Variants in ADCK1 observed in about 807,000 individuals in gnomAD.
ADCK1 encodes aarF domain containing kinase 1, also known as aarF domain-containing protein kinase 1.
A neutral mutation model predicts 52.3 loss-of-function variants in ADCK1; 41 were observed. That is an observed-to-expected ratio of 0.78 (90% CI 0.61 to 1.02). The LOEUF (loss-of-function observed/expected upper bound fraction) is 1.02. Among genes scored for constraint, ADCK1 ranks in the 50% least tolerant of loss-of-function variants. The pLI, the probability that ADCK1 is intolerant of heterozygous loss-of-function variation, is 0.00. For synonymous variants in ADCK1, 250 were observed against 274.6 expected, an observed-to-expected ratio of 0.91 and a Z score of 0.89; for missense variants, 658 against 679.5, an observed-to-expected ratio of 0.97 and a Z score of 0.35.
chr14:77,807,508 A>ATT (rs35510266), intron 1 of ADCK1, among the ~76,000 whole-genome samples: 49 of 130,306 alleles, frequency 3.8e-4, no homozygotes, highest in African/African-American at 1.1e-3. Flanking sequence ...CGCCCAGCTA[A>ATT]TTTTTTTTTT....
chr14:77,901,670 G>A (rs866216917), intron 6 of ADCK1, among the ~76,000 whole-genome samples: 5 of 152,198 alleles, frequency 3.3e-5, no homozygotes, highest in East Asian at 1.9e-4. Flanking sequence ...GATTATAGGC[G>A]TGAGCCACCG....
At chr14:77,890,105 G>A (rs1056110175) in intron 5 of ADCK1, among the ~76,000 whole-genome samples, 2 of 152,234 alleles carry the variant, frequency 1.3e-5, no homozygotes, top group African/African-American at 4.8e-5. Context: ...GCTGCATAAT[G>A]AGTCACCTCA....
chr14:77,819,247 T>G (rs2081531131), intron 2 of ADCK1, 134 bp downstream of exon 2: 1 of 1,231,328 alleles, frequency 8.1e-7, no homozygotes, highest in Admixed American at 2.3e-5. Flanking sequence ...AAAAGCTACA[T>G]CTGCACAGGT....
intron 1 of ADCK1, among the ~76,000 whole-genome samples, chr14:77,809,386 A>G (rs1376857043): frequency 6.6e-6 from 1 of 152,048 alleles, no homozygotes; most frequent in East Asian, 1.9e-4. Context: ...CTGGAGTGCA[A>G]TGGCGTGACC....
intron 7 of ADCK1, among the ~76,000 whole-genome samples, chr14:77,922,563 A>G (rs2084086448): frequency 6.6e-6 from 1 of 152,110 alleles, no homozygotes; most frequent in Non-Finnish European, 1.5e-5. Flanking sequence ...TGGGACTATT[A>G]TTATTTCCAT....
chr14:77,871,393 A>G (rs8010212), intron 4 of ADCK1, among the ~76,000 whole-genome samples: 130,181 of 152,026 alleles, frequency 0.86, 55,878 homozygotes, highest in Middle Eastern at 0.93. Context: ...AGTCTCACTC[A>G]GTTGCCCAGG....
At chr14:77,914,457 C>T in intron 7 of ADCK1, 3 of 985,464 alleles carry the variant, frequency 3.0e-6, no homozygotes, top group Non-Finnish European at 3.6e-6. Flanking sequence ...AAAGGTCTCA[C>T]ATTTGCTTTC....
chr14:77,875,241 G>T (rs2082872567), intron 4 of ADCK1, among the ~76,000 whole-genome samples: 1 of 152,130 alleles, frequency 6.6e-6, no homozygotes, highest in Admixed American at 6.5e-5. Flanking sequence ...ATGGAGAGGT[G>T]TGGAGGAGGT....
At position 77,933,483 on chromosome 14, in the gene ADCK1, G is replaced by A. The variant is rs1323351856; in HGVS notation, c.*92G>A. 1.5e-5 allele frequency: 23 copies of A among 1,487,994 alleles called. No individual in the cohort carries two copies. Among genetic ancestry groups the A allele is most frequent in the South Asian group, 2.4e-5 (2 of 83,690 alleles). 92.2% of individuals were successfully genotyped at this position (1,487,994 alleles called of 1,614,324 possible). A position where few individuals can be genotyped will look rare whatever the true frequency, so the allele number is the denominator to read the frequency against. ...CCAGCTGCTCCATTTTTGCCACATCGTGGCCCGCAGCCCCAGAGTCACTGT... is the reference window on the plus strand; with the variant it reads ...CCAGCTGCTCCATTTTTGCCACATCATGGCCCGCAGCCCCAGAGTCACTGT... On this transcript the variant is annotated 3_prime_UTR_variant, in exon 11 of 11. Transcript: ENST00000238561.
In ADCK1 at chr14:77,925,028, G is replaced by T. The variant is rs780079508; in HGVS notation, c.1008+422G>T. On this transcript the variant is annotated intron_variant, in intron 8 of 10. Transcript: ENST00000238561. ...GGCAGGCAGCCAGTGGGGGCTGGAG[G>T]GCCTCAGACTGTGTCCTCAGGATGC... Among the ~76,000 whole-genome samples the T allele has an allele frequency of 6.6e-5, 10 of 152,278 alleles. No homozygotes were observed. In the South Asian group the frequency reaches 1.2e-3, roughly 19 times the overall value.
chr14:77,931,782 C>T (rs1293676844), intron 10 of ADCK1, 71 bp downstream of exon 10: 2 of 1,472,048 alleles, frequency 1.4e-6, no homozygotes, highest in Non-Finnish European at 1.8e-6. Context: ...GCTTTTGCTG[C>T]CACCTTTCCC....
chr14:77,852,671 A>AT (rs1278419383), intron 3 of ADCK1, among the ~76,000 whole-genome samples: 7 of 10,804 alleles, frequency 6.5e-4, no homozygotes, highest in East Asian at 3.6e-3. Flanking sequence ...ATATATATAT[A>AT]TATATATATA....
chr14:77,863,468 G>GCA (rs146074203), intron 4 of ADCK1, among the ~76,000 whole-genome samples: 3,665 of 150,004 alleles, frequency 0.024, 58 homozygotes, highest in African/African-American at 0.033. Flanking sequence ...ATACACACAC[G>GCA]CACACACACA....
intron 6 of ADCK1, among the ~76,000 whole-genome samples, chr14:77,903,897 TATTCTTTA>T (rs770437072): frequency 2.6e-5 from 4 of 152,314 alleles, no homozygotes; most frequent in South Asian, 4.1e-4. Context: ...GAGTGATTTA[TATTCTTTA>T]ATTCTTTAAT....
intron 7 of ADCK1, 130 bp from the exon 8 acceptor site, chr14:77,924,327 C>T: frequency 8.1e-7 from 1 of 1,228,700 alleles, no homozygotes; most frequent in South Asian, 1.5e-5. Flanking sequence ...ATCACTCCCA[C>T]CACAACCGCT....
chr14:77,898,905 A>G (rs747796176), intron 5 of ADCK1, among the ~76,000 whole-genome samples, 195 bp from the exon 6 acceptor site: 6 of 152,218 alleles, frequency 3.9e-5, no homozygotes, highest in Non-Finnish European at 7.3e-5. Flanking sequence ...GGCTATCATC[A>G]TCTTGGACTT....
intron 3 of ADCK1, among the ~76,000 whole-genome samples, chr14:77,828,716 G>A (rs2081773514): frequency 6.6e-6 from 1 of 151,980 alleles, no homozygotes; most frequent in South Asian, 2.1e-4. Flanking sequence ...TAGTAGAGAC[G>A]GGGTTTCACT....
intron 7 of ADCK1, among the ~76,000 whole-genome samples, chr14:77,913,561 C>T (rs1808744900): frequency 6.6e-6 from 1 of 152,216 alleles, no homozygotes; most frequent in African/African-American, 2.4e-5. Flanking sequence ...GTCCTCTTTC[C>T]CGGGCTGGGT....
intron 4 of ADCK1, among the ~76,000 whole-genome samples, chr14:77,879,031 G>T (rs182975745): frequency 1.3e-5 from 2 of 151,828 alleles, no homozygotes; most frequent in Non-Finnish European, 2.9e-5. Context: ...CAACATTTCC[G>T]TAGAGTCCCT....
Sources: allele counts gnomAD v4.1 joint callset (sites outside exome capture counted in the v4.1 genomes callset), GRCh38; gene constraint gnomAD v4.1.1; transcripts MANE v1.5; gene names NCBI Gene and HGNC (gene_info 2026-07-23, HGNC 2026-07-21).